The following TMED3 variants were observed in gnomAD, a reference collection of about 807,000 sequenced individuals.
TMED3 encodes transmembrane emp24 domain-containing protein 3.
A neutral mutation model predicts 15.0 loss-of-function variants in TMED3; 9 were observed. The observed-to-expected ratio is 0.60, with a 90% CI of 0.36 to 1.04. The LOEUF is 1.04. TMED3 is among the 50% of genes least tolerant of loss of function. The pLI is 0.01. For missense variants in TMED3, 267 were observed against 278.9 expected (o/e 0.96, Z 0.30); for synonymous variants, 117 against 121.4 (o/e 0.96, Z 0.24).
chr15:79,351,770 C>G (rs1397594926), intron 2 of TMED3, among the ~76,000 whole-genome samples: 5 of 152,132 alleles, frequency 3.3e-5, no homozygotes, highest in Non-Finnish European at 7.4e-5. Context: ...AAGATACTTG[C>G]ACAAACATGT....
At chr15:79,358,457 G>A (rs1893059181) in intron 2 of TMED3, among the ~76,000 whole-genome samples, 1 of 152,236 alleles carries the variant, frequency 6.6e-6, no homozygotes, top group South Asian at 2.1e-4. Flanking sequence ...GCTGTGGATT[G>A]CAGTCTAGAC....
chr15:79,347,331 CT>C lies in TMED3; in HGVS notation c.417+33327del, dbSNP rs780959922. Reference sequence around the variant, plus strand: ...AAAAGGCTTTCAATAAAATTCAACACTGCTTCATGTTAAAAACTCTTAGTAA... The same window carrying C: ...AAAAGGCTTTCAATAAAATTCAACACGCTTCATGTTAAAAACTCTTAGTAA... On this transcript the variant is annotated intron_variant, in intron 2 of 2. Coordinates refer to the TMED3 transcript ENST00000424155. Among the ~76,000 whole-genome samples, 22 of 152,286 alleles carry C rather than the reference CT, an allele frequency of 1.4e-4. 1 individual carries two copies. Among genetic ancestry groups the C allele is most frequent in the Non-Finnish European group, 2.5e-4 (17 of 68,012 alleles).
intron 2 of TMED3, among the ~76,000 whole-genome samples, chr15:79,315,520 C>T (rs550597268): frequency 6.6e-6 from 1 of 152,264 alleles, no homozygotes; most frequent in African/African-American, 2.4e-5. Context: ...CTGTAAGTCT[C>T]CAAAAGCTGA....
intron 2 of TMED3, among the ~76,000 whole-genome samples, chr15:79,337,975 A>G (rs184733559): frequency 6.6e-6 from 1 of 152,370 alleles, no homozygotes; most frequent in Admixed American, 6.5e-5. Context: ...AAATGAATAA[A>G]ATAGCTCCCA....
At chr15:79,334,638 T>G (rs2058821043) in intron 2 of TMED3, among the ~76,000 whole-genome samples, 1 of 152,140 alleles carries the variant, frequency 6.6e-6, no homozygotes, top group African/African-American at 2.4e-5. Context: ...CTTCAGCAAA[T>G]CAGTGACCTG....
chr15:79,322,522 A>T lies in TMED3; in HGVS notation c.*308A>T. On this transcript the variant is annotated 3_prime_UTR_variant, in exon 3 of 3. Transcript: ENST00000299705. ...TTCAGTGGCCTGGCTGTTGGCAGGA[A>T]CTCCAAGTGCCCAGGCCTCTTGGGC... 1.7e-6 allele frequency: 2 copies of T among 1,176,292 alleles called. No homozygotes were observed. Among genetic ancestry groups the T allele is most frequent in the Middle Eastern group, 3.5e-4 (1 of 2,880 alleles). The allele number at this position is 1,176,292 out of a possible 1,614,324, so 72.9% of individuals were successfully genotyped here. A position where few individuals can be genotyped will look rare whatever the true frequency, so the allele number is the denominator to read the frequency against.
At chr15:79,321,895 T>G in intron 2 of TMED3, 83 bp from the exon 3 acceptor site, 1 of 1,499,902 alleles carries the variant, frequency 6.7e-7, no homozygotes, top group Non-Finnish European at 9.1e-7. Flanking sequence ...TCACCTAGGA[T>G]GTTGACAACA....
At chr15:79,315,031 A>G (rs2058734855) in intron 2 of TMED3, among the ~76,000 whole-genome samples, 1 of 152,228 alleles carries the variant, frequency 6.6e-6, no homozygotes, top group South Asian at 2.1e-4. Context: ...CATCGATAGC[A>G]GCACGTGTGC....
chr15:79,365,348 A>G (rs1893211721), intron 2 of TMED3, among the ~76,000 whole-genome samples: 1 of 152,116 alleles, frequency 6.6e-6, no homozygotes, highest in Admixed American at 6.6e-5. Context: ...TGTGGACATC[A>G]CCTCCTCCAG....
chr15:79,367,332 G>T (rs973165637), intron 2 of TMED3, among the ~76,000 whole-genome samples: 7 of 149,756 alleles, frequency 4.7e-5, no homozygotes, highest in Admixed American at 3.3e-4. Context: ...TGGTGCAGTA[G>T]GACCAGCGAT....
intron 2 of TMED3, among the ~76,000 whole-genome samples, chr15:79,407,944 T>C (rs528940288): frequency 6.6e-6 from 1 of 152,294 alleles, no homozygotes; most frequent in South Asian, 2.1e-4. Context: ...TGTTCAGCCT[T>C]GCAGCGCAGC....
intron 2 of TMED3, among the ~76,000 whole-genome samples, chr15:79,369,392 A>G (rs1385628814): frequency 5.9e-5 from 9 of 152,168 alleles, no homozygotes; most frequent in Admixed American, 4.6e-4. Context: ...GTAAGGCACC[A>G]AGCTAACATG....
chr15:79,395,642 C>T (rs961366289), intron 2 of TMED3, among the ~76,000 whole-genome samples: 2 of 152,022 alleles, frequency 1.3e-5, no homozygotes, highest in Non-Finnish European at 2.9e-5. Context: ...TTAGTTTGCC[C>T]TTTAACACGA....
At chr15:79,390,382 C>T (rs1378356088) in intron 2 of TMED3, among the ~76,000 whole-genome samples, 3 of 152,032 alleles carry the variant, frequency 2.0e-5, no homozygotes, top group Non-Finnish European at 2.9e-5. Context: ...GTTTATCTGG[C>T]GTATCACATT....
At chr15:79,399,288 G>T (rs959075364) in intron 2 of TMED3, among the ~76,000 whole-genome samples, 1 of 152,006 alleles carries the variant, frequency 6.6e-6, no homozygotes, top group South Asian at 2.1e-4. Flanking sequence ...GCTCCCCAAG[G>T]CCCACTCAAG....
chr15:79,361,779 C>A (rs1893131816), intron 2 of TMED3, among the ~76,000 whole-genome samples: 1 of 151,924 alleles, frequency 6.6e-6, no homozygotes, highest in Non-Finnish European at 1.5e-5. Context: ...CAAATAATTA[C>A]TAAATTAATG....
intron 2 of TMED3, among the ~76,000 whole-genome samples, chr15:79,389,710 C>T (rs374090355): frequency 1.3e-3 from 202 of 152,004 alleles, no homozygotes; most frequent in African/African-American, 4.7e-3. Flanking sequence ...ATATTGATTC[C>T]ACCCATCCAT....
At chr15:79,331,533 C>T (rs4331322) in intron 2 of TMED3, among the ~76,000 whole-genome samples, 22,604 of 69,286 alleles carry the variant, frequency 0.33, 1,926 homozygotes, top group Middle Eastern at 0.42. Flanking sequence ...AAAGAACAGG[C>T]AAAAGAAGCA....
At chr15:79,407,420 C>T (rs559933252) in intron 2 of TMED3, among the ~76,000 whole-genome samples, 2 of 152,232 alleles carry the variant, frequency 1.3e-5, no homozygotes, top group Admixed American at 6.5e-5. Flanking sequence ...TCTTGAAATT[C>T]TTTGAGTTAT....
Sources: allele counts gnomAD v4.1 joint callset (sites outside exome capture counted in the v4.1 genomes callset), GRCh38; gene constraint gnomAD v4.1.1; transcripts MANE v1.5; gene names NCBI Gene and HGNC (gene_info 2026-07-23, HGNC 2026-07-21).